The following RYR2 variants were observed in gnomAD, a reference collection of about 807,000 sequenced individuals.
RYR2 encodes the protein cardiac muscle ryanodine receptor-calcium release channel.
In RYR2, 227 loss-of-function variants were observed where a neutral mutation model predicts 601.1. That is an observed-to-expected ratio of 0.38 (90% CI 0.34 to 0.42). The LOEUF (loss-of-function observed/expected upper bound fraction) is 0.42. Among genes scored for constraint, RYR2 ranks in the 10% least tolerant of loss-of-function variants. The probability of loss-of-function intolerance (pLI) is 1.00; values close to 1 mark genes in which losing one functional copy is unlikely to be tolerated. For synonymous variants in RYR2, 2,223 were observed against 2,175.1 expected (o/e 1.02, Z -0.61); for missense variants, 4,646 against 6,156.5 (o/e 0.75, Z 8.21).
chr1:237,060,138 A>G (rs1662659102), intron 1 of RYR2, among the ~76,000 whole-genome samples: 1 of 152,200 alleles, frequency 6.6e-6, no homozygotes, highest in Admixed American at 6.5e-5. Context: ...AACAAGGAAG[A>G]TTAAATGCTG....
intron 97 of RYR2, among the ~76,000 whole-genome samples, chr1:237,800,518 G>A (rs993608614): frequency 6.6e-6 from 1 of 152,036 alleles, no homozygotes; most frequent in African/African-American, 2.4e-5. Context: ...CAACTACTTA[G>A]CATTTATAAT....
chr1:237,813,004 C>T (rs1218229803), intron 100 of RYR2, among the ~76,000 whole-genome samples: 1 of 151,926 alleles, frequency 6.6e-6, no homozygotes, highest in Non-Finnish European at 1.5e-5. Context: ...ACATGCAACA[C>T]TTTACCCCCT....
chr1:237,348,822 TG>T (rs1435693695), intron 3 of RYR2, among the ~76,000 whole-genome samples: 2 of 151,966 alleles, frequency 1.3e-5, no homozygotes, highest in Non-Finnish European at 2.9e-5. Context: ...GAATCTACAA[TG>T]AAAAAAATCA....
At chr1:237,169,187 A>G (rs577982928) in intron 1 of RYR2, among the ~76,000 whole-genome samples, 1 of 152,228 alleles carries the variant, frequency 6.6e-6, no homozygotes, top group Admixed American at 6.5e-5. Context: ...CATTTTCTAA[A>G]TGTCATCTAA....
intron 41 of RYR2, among the ~76,000 whole-genome samples, chr1:237,628,987 G>A (rs935053579): frequency 5.9e-5 from 9 of 152,084 alleles, no homozygotes; most frequent in Non-Finnish European, 1.3e-4. Context: ...ATATTCAAGA[G>A]TGAGGATAAA....
At position 237,546,997 on chromosome 1, in the gene RYR2, T is replaced by A. The variant is rs7518293; in HGVS notation, c.2907-1434T>A. ...AAAGCATATATATATATATATATAT[T>A]TATTTATTTATTTATTTATTTATTT... On this transcript the variant is annotated intron_variant, in intron 25 of 104. Transcript: ENST00000366574. Among the ~76,000 whole-genome samples, 677 of 83,150 alleles carry A rather than the reference T, an allele frequency of 8.1e-3. 5 individuals are homozygous for A. The highest frequency in any genetic ancestry group is 0.034 in the Middle Eastern group (6 of 174). The allele number at this position is 83,150 out of a possible 152,430, so 54.5% of individuals were successfully genotyped here.
intron 47 of RYR2, among the ~76,000 whole-genome samples, chr1:237,641,481 C>CTTTCTT (rs1553264975): frequency 1.4e-4 from 6 of 41,502 alleles, no homozygotes; most frequent in African/African-American, 3.2e-4. Context: ...GTCTTTCTTT[C>CTTTCTT]TTTCTTTCTT....
intron 47 of RYR2, among the ~76,000 whole-genome samples, chr1:237,641,627 T>C (rs1384340639): frequency 6.6e-6 from 1 of 151,972 alleles, no homozygotes; most frequent in Non-Finnish European, 1.5e-5. Context: ...CTGCAATCTA[T>C]GCCTCCCAGG....
chr1:237,566,104 C>T (rs957546933), intron 27 of RYR2, among the ~76,000 whole-genome samples: 2 of 152,148 alleles, frequency 1.3e-5, no homozygotes, highest in African/African-American at 2.4e-5. Context: ...CTGTTTACAA[C>T]TTTCCCTTAT....
chr1:237,159,704 A>C (rs567184907), intron 1 of RYR2, among the ~76,000 whole-genome samples: 1 of 152,210 alleles, frequency 6.6e-6, no homozygotes, highest in African/African-American at 2.4e-5. Flanking sequence ...CTAATAATAG[A>C]AAATAAATAT....
At chr1:237,286,134 A>G (rs965796878) in intron 2 of RYR2, among the ~76,000 whole-genome samples, 17 of 151,758 alleles carry the variant, frequency 1.1e-4, no homozygotes, top group Non-Finnish European at 1.9e-4. Context: ...TACTCTTTCA[A>G]TATTTTTGAT....
rs1678681821 is a variant in RYR2 at position 237,180,948 on chromosome 1, A to G, written c.49-89549A>G. On this transcript the variant is annotated intron_variant, in intron 1 of 104. Transcript: ENST00000366574. This position sits in a 1 kb window ranked among gnomAD's most constrained non-coding sequence, Gnocchi z 5.3. ...TAATAAAAATTGCTAACCCTCTCTG[A>G]GCAGATTTATCCAATATGCTAAGCA... 6.6e-6 allele frequency among the ~76,000 whole-genome samples: 1 copy of G among 151,224 alleles called. No homozygotes were observed. The highest frequency in any genetic ancestry group is 1.5e-5 in the Non-Finnish European group (1 of 67,850).
intron 1 of RYR2, among the ~76,000 whole-genome samples, chr1:237,071,651 C>T: frequency 6.6e-6 from 1 of 151,918 alleles, no homozygotes; most frequent in East Asian, 1.9e-4. Context: ...TGGGAACTGG[C>T]CCCCTGGCCC....
chr1:237,540,698 A>T (rs1366756212), intron 25 of RYR2, among the ~76,000 whole-genome samples: 2 of 151,008 alleles, frequency 1.3e-5, no homozygotes, highest in African/African-American at 4.9e-5. Context: ...CAAAAGTGAA[A>T]CTCCGTTTCA....
chr1:237,558,126 G>A lies in RYR2; in HGVS notation c.3214+7435G>A, dbSNP rs74150115. ...TGAAGGGAATGAAATTCAGAGCATG[G>A]GTAAAGGGATTGGCCTCCTGTAAAA... On this transcript the variant is annotated intron_variant, in intron 27 of 104. Coordinates refer to ENST00000366574, the MANE Select transcript of RYR2 (RefSeq NM_001035.3). 5.8e-3 allele frequency among the ~76,000 whole-genome samples: 878 copies of A among 152,230 alleles called. 7 individuals carry two copies. The highest frequency in any genetic ancestry group is 0.02 in the African/African-American group (848 of 41,532).
chr1:237,480,348 G>T (rs1661903702), intron 17 of RYR2, among the ~76,000 whole-genome samples: 1 of 144,360 alleles, frequency 6.9e-6, no homozygotes, highest in East Asian at 2.0e-4. Flanking sequence ...AAGCCTGGGA[G>T]GCAGAGGCTG....
Position 237,388,199 on chromosome 1 carries a change from C to A in RYR2, c.773+16C>A. 1.2e-6 allele frequency: 2 copies of A among 1,603,526 alleles called. No individual in the cohort carries two copies. Among genetic ancestry groups the A allele is most frequent in the Non-Finnish European group, 1.7e-6 (2 of 1,171,320 alleles). ...AGCAGCGGAGGTTAGTACCTGAGCT[C>A]ATTGCATTGAGACTTGCACTCTTTT... On this transcript the variant is annotated intron_variant, in intron 10 of 104. Coordinates refer to ENST00000366574, the MANE Select transcript of RYR2 (RefSeq NM_001035.3).
At chr1:237,452,287 A>G (rs1057323161) in intron 14 of RYR2, among the ~76,000 whole-genome samples, 18 of 98,368 alleles carry the variant, frequency 1.8e-4, no homozygotes, top group African/African-American at 5.2e-4. Flanking sequence ...ACAATAGCAT[A>G]TATAATTAAT....
Position 237,261,469 on chromosome 1 carries a change from A to T in RYR2, c.49-9028A>T, listed in dbSNP as rs144107560. 2.6e-5 allele frequency among the ~76,000 whole-genome samples: 4 copies of T among 152,316 alleles called. No individual in the cohort carries two copies. In the East Asian group the frequency reaches 7.7e-4, roughly 29 times the overall value. Reference sequence around the variant, plus strand: ...TGAATTTTCTGACGATGCTAAGTCCATGCTTTCCTGCCTAGAGGGCTTTCA... The same window carrying T: ...TGAATTTTCTGACGATGCTAAGTCCTTGCTTTCCTGCCTAGAGGGCTTTCA... On this transcript the variant is annotated intron_variant, in intron 1 of 104. Transcript: ENST00000366574.
Sources: gnomAD v4.1 joint callset for allele counts (sites outside exome capture counted in the v4.1 genomes callset) on GRCh38, gnomAD v4.1.1 for gene constraint, Gnocchi (gnomAD v3.1) non-coding constraint, MANE v1.5 for transcripts, NCBI Gene and HGNC (gene_info 2026-07-23, HGNC 2026-07-21) for gene names.